The following ATF7IP variants were observed in gnomAD, a reference collection of about 807,000 sequenced individuals.
The protein encoded by ATF7IP is activating transcription factor 7-interacting protein 1.
In ATF7IP, 23 loss-of-function variants were observed where a neutral mutation model predicts 106.4. The ratio of observed to expected loss-of-function variants is 0.22; its 90% confidence interval spans 0.16 to 0.31. ATF7IP has a LOEUF of 0.31. Among genes scored for constraint, ATF7IP ranks in the 10% least tolerant of loss-of-function variants. ATF7IP has a pLI of 1.00. For missense variants in ATF7IP, 1,334 were observed against 1,524.3 expected, an observed-to-expected ratio of 0.88 and a Z score of 2.08; for synonymous variants, 542 against 539.0, an observed-to-expected ratio of 1.01 and a Z score of -0.08.
chr12:14,485,364 C>T (rs547032287), intron 13 of ATF7IP, among the ~76,000 whole-genome samples: 8 of 152,076 alleles, frequency 5.3e-5, no homozygotes, highest in Admixed American at 1.3e-4. Context: ...ACTAGTCTTT[C>T]ACCTTAGAAG....
Position 14,498,064 on chromosome 12 carries a change from G to A in ATF7IP, c.3804G>A (p.Gln1268=), listed in dbSNP as rs758702742. ...CAACAGATGTGATCTCTTCTACCCA[G>A]AGCAGTTAAACCTTGGAGCCTTTAT... ...PQSTDVISST[Q]SS is the part of the protein sequence containing the mutation. Residue 1268 remains glutamine, a synonymous_variant, in exon 15 of 15, where the codon CAG becomes CAA. Coordinates refer to ENST00000261168, the MANE Select transcript of ATF7IP (RefSeq NM_018179.5). 6.3e-7 allele frequency: 1 copy of A among 1,577,912 alleles called. No individual in the cohort carries two copies. The highest frequency in any genetic ancestry group is 2.3e-5 in the East Asian group (1 of 44,160).
chr12:14,438,200 A>G lies in ATF7IP; in HGVS notation c.1862A>G (p.Glu621Gly), dbSNP rs1942504620. 3 of 1,613,224 alleles carry G rather than the reference A, an allele frequency of 1.9e-6. No homozygotes were observed. Among genetic ancestry groups the G allele is most frequent in the Non-Finnish European group, 2.5e-6 (3 of 1,179,976 alleles). Residue 621 changes from glutamate to glycine, a missense_variant, in exon 5 of 15, where the codon GAA becomes GGA. This residue lies in a region of ATF7IP where 22 missense variants were observed against 47.4 expected (regional missense o/e 0.46). Coordinates refer to ENST00000261168, the MANE Select transcript of ATF7IP (RefSeq NM_018179.5). ...QCAVFDKTLA[E>G]LKTRVEKIEC... ...GCTGTATTTGATAAGACTTTGGCAG[A>G]ATTGAAAACACGAGTGGAAAAGATT...
Position 14,438,718 on chromosome 12 carries a change from ATACTC to A in ATF7IP, c.1929+452_1929+456del, listed in dbSNP as rs537115201. 1.2e-3 allele frequency among the ~76,000 whole-genome samples: 186 copies of A among 152,252 alleles called. 2 individuals carry two copies. Among genetic ancestry groups the A allele is most frequent in the African/African-American group, 4.3e-3 (178 of 41,548 alleles). On this transcript the variant is annotated intron_variant, in intron 5 of 14. Transcript: ENST00000261168. ...CCAGTCATTGGAGTAGGGGCCCACT[ATACTC>A]CAACATGACTTCATCTTAACTAATT...
chr12:14,454,598 C>T (rs1159018272), intron 6 of ATF7IP, among the ~76,000 whole-genome samples: 1 of 152,098 alleles, frequency 6.6e-6, no homozygotes, highest in African/African-American at 2.4e-5. Context: ...CCTAACTGTT[C>T]CAGTGTGCCT....
chr12:14,431,734 A>G (rs2136594395), intron 2 of ATF7IP, among the ~76,000 whole-genome samples: 1 of 152,260 alleles, frequency 6.6e-6, no homozygotes, highest in South Asian at 2.1e-4. Flanking sequence ...GATGAGTTTC[A>G]GGAGTCCCAG....
chr12:14,468,625 T>TA (rs1159196861), intron 10 of ATF7IP, among the ~76,000 whole-genome samples: 2 of 152,176 alleles, frequency 1.3e-5, no homozygotes, highest in Non-Finnish European at 2.9e-5. Flanking sequence ...TATCTGAGTA[T>TA]AAAAAATGCG....
intron 6 of ATF7IP, among the ~76,000 whole-genome samples, chr12:14,447,640 G>A (rs1259938064): frequency 6.6e-6 from 1 of 152,140 alleles, no homozygotes; most frequent in African/African-American, 2.4e-5. Context: ...TTAGGCTTCA[G>A]GGATTTGTCT....
intron 11 of ATF7IP, 30 bp from the exon 12 acceptor site, chr12:14,478,287 C>T (rs1416970484): frequency 6.3e-7 from 1 of 1,593,228 alleles, no homozygotes; most frequent in Admixed American, 1.7e-5. Flanking sequence ...TTTTTCTTGT[C>T]AGTCATAATA....
At chr12:14,407,405 A>G (rs1414505312) in intron 1 of ATF7IP, among the ~76,000 whole-genome samples, 1 of 146,588 alleles carries the variant, frequency 6.8e-6, no homozygotes, top group Non-Finnish European at 1.5e-5. Context: ...TTATCTATTT[A>G]TTTTTTGGTT....
intron 1 of ATF7IP, among the ~76,000 whole-genome samples, chr12:14,406,243 T>A (rs1228379666): frequency 6.6e-6 from 1 of 152,118 alleles, no homozygotes; most frequent in Non-Finnish European, 1.5e-5. Context: ...GGGCTACAGA[T>A]GTCTGCCACC....
At chr12:14,469,193 C>G (rs1320088774) in intron 10 of ATF7IP, among the ~76,000 whole-genome samples, 1 of 151,838 alleles carries the variant, frequency 6.6e-6, no homozygotes, top group Non-Finnish European at 1.5e-5. Flanking sequence ...CAACATGTCT[C>G]TACTAAAAAT....
At chr12:14,398,499 G>C (rs1387896444) in intron 1 of ATF7IP, among the ~76,000 whole-genome samples, 2 of 140,564 alleles carry the variant, frequency 1.4e-5, no homozygotes, top group African/African-American at 5.2e-5. Flanking sequence ...CTTTGAGTTT[G>C]TTAAGATTTT....
intron 1 of ATF7IP, among the ~76,000 whole-genome samples, chr12:14,402,127 C>CTTTTTTTTTTTTTT (rs11297116): frequency 2.0e-5 from 2 of 101,874 alleles, no homozygotes; most frequent in Non-Finnish European, 3.9e-5. Flanking sequence ...TTTCTTCTTT[C>CTTTTTTTTTTTTTT]TTTTTTTTTT....
intron 9 of ATF7IP, among the ~76,000 whole-genome samples, chr12:14,463,301 T>C (rs1211445418): frequency 6.6e-6 from 1 of 152,180 alleles, no homozygotes; most frequent in East Asian, 1.9e-4. Flanking sequence ...TATATCCTTA[T>C]GGATTTTAAA....
rs555076752 is a variant in ATF7IP at position 14,423,837 on chromosome 12, A to G, written c.-7-72A>G. The G allele has an allele frequency of 9.5e-6, 14 of 1,473,632 alleles. No homozygotes were observed. The East Asian group carries it at 3.2e-4, about 34-fold the overall frequency. 91.3% of individuals were successfully genotyped at this position (1,473,632 alleles called of 1,614,324 possible). On this transcript the variant is annotated intron_variant, in intron 1 of 14. Transcript: ENST00000261168. ...TGCTGCTTGCATCTCTTCTAAGATC[A>G]ATTTGTATTAAGTCTACAATTAGGT...
rs747534018 is a variant in ATF7IP, at chr12:14,438,190, A to T, written c.1852A>T (p.Thr618Ser). The T allele has an allele frequency of 6.2e-7, 1 of 1,613,390 alleles. No individual in the cohort carries two copies. Among genetic ancestry groups the T allele is most frequent in the Non-Finnish European group, 8.5e-7 (1 of 1,179,974 alleles). The change falls in exon 5 of 15, where the codon ACT (threonine) becomes TCT (serine). Residue 618 changes from threonine (T) to serine (S), a missense_variant. By Grantham distance (58) the Thr-to-Ser change is moderately conservative (BLOSUM62 1). Coordinates refer to ENST00000261168, the MANE Select transcript of ATF7IP (RefSeq NM_018179.5). The stretch of plus-strand genomic sequence containing the variant: ...GCTGCAGTGTGCTGTATTTGATAAG[A>T]CTTTGGCAGAATTGAAAACACGAGT... ...CALQCAVFDK[T>S]LAELKTRVEK...
chr12:14,416,426 A>G (rs1356761543), intron 1 of ATF7IP, among the ~76,000 whole-genome samples: 1 of 152,228 alleles, frequency 6.6e-6, no homozygotes, highest in Non-Finnish European at 1.5e-5. Flanking sequence ...TAGAAATGCC[A>G]TGTCCACTTA....
At chr12:14,419,933 G>GAA (rs1302013861) in intron 1 of ATF7IP, 2 of 152,160 alleles carry the variant, frequency 1.3e-5, no homozygotes, top group African/African-American at 2.4e-5. Context: ...AATGAATACA[G>GAA]AATGTATCAC....
chr12:14,415,756 C>G (rs773811200), intron 1 of ATF7IP, among the ~76,000 whole-genome samples: 1 of 150,322 alleles, frequency 6.7e-6, no homozygotes, highest in East Asian at 1.9e-4. Flanking sequence ...TTAAGAGAAC[C>G]GTAGCTGACA....
Sources: allele counts gnomAD v4.1 joint callset (sites outside exome capture counted in the v4.1 genomes callset), GRCh38; gene constraint gnomAD v4.1.1; regional missense constraint gnomAD v4.1.1; transcripts MANE v1.5; gene names NCBI Gene and HGNC (gene_info 2026-07-23, HGNC 2026-07-21).